The following PRELID2 variants were observed in gnomAD, a reference collection of about 807,000 sequenced individuals.
PRELID2 encodes PRELI domain-containing protein 2.
A neutral mutation model predicts 28.4 loss-of-function variants in PRELID2; 25 were observed. The ratio of observed to expected loss-of-function variants is 0.88; its 90% CI spans 0.64 to 1.23. The LOEUF (loss-of-function observed/expected upper bound fraction) is 1.23, where lower values mean the gene tolerates loss of function less well. PRELID2 is among the 50% of genes most tolerant of loss of function. The pLI is 0.00. For synonymous variants in PRELID2, 76 were observed against 71.6 expected (o/e 1.06, Z -0.31); for missense variants, 201 against 214.4 (o/e 0.94, Z 0.39).
intron 1 of PRELID2, among the ~76,000 whole-genome samples, chr5:145,483,871 G>A (rs114011807): frequency 0.013 from 1,916 of 152,272 alleles, 36 homozygotes; most frequent in African/African-American, 0.044. Flanking sequence ...ATAATACAGG[G>A]CAAGTGAGTG....
At chr5:145,332,223 T>A in the PRELID2 span, among the ~76,000 whole-genome samples, 5 of 152,176 alleles carry the variant, frequency 3.3e-5, no homozygotes, top group African/African-American at 1.2e-4. Flanking sequence ...TCAACCTTGG[T>A]GAATCTGAGG....
intron 1 of PRELID2, chr5:145,703,788 C>T (rs1021780918): frequency 1.3e-5 from 2 of 152,150 alleles, no homozygotes; most frequent in African/African-American, 2.4e-5. Context: ...TTCCCCTGCA[C>T]CTGTCCTCCA....
At chr5:145,504,429 C>T (rs998167388) in intron 1 of PRELID2, among the ~76,000 whole-genome samples, 2 of 152,132 alleles carry the variant, frequency 1.3e-5, no homozygotes, top group African/African-American at 4.8e-5. Flanking sequence ...TTGATCTTCG[C>T]CAAAAGGCTG....
the PRELID2 span, among the ~76,000 whole-genome samples, chr5:145,342,793 T>C: frequency 6.7e-6 from 1 of 150,286 alleles, no homozygotes. Flanking sequence ...AAGATACATA[T>C]AGACTGAAAG....
intron 1 of PRELID2, among the ~76,000 whole-genome samples, chr5:145,830,228 G>A (rs2149889586): frequency 6.6e-6 from 1 of 152,238 alleles, no homozygotes; most frequent in Non-Finnish European, 1.5e-5. Context: ...CACCTATGAA[G>A]GTGATATTCT....
the PRELID2 span, among the ~76,000 whole-genome samples, chr5:145,297,018 C>A: frequency 1.3e-5 from 2 of 152,122 alleles, no homozygotes; most frequent in African/African-American, 4.8e-5. Context: ...TCATGTCCTT[C>A]GCCCACTTTT....
At position 145,490,252 on chromosome 5, in the gene PRELID2, C is replaced by T. The variant is rs143092135; in HGVS notation, n.71-16937G>A. On this transcript the variant is annotated intron_variant and non_coding_transcript_variant, in intron 1 of 2. Coordinates refer to the PRELID2 transcript ENST00000510259. The stretch of plus-strand genomic sequence containing the variant: ...ACTTTTTAAAATTTCCTTTTTTGTA[C>T]TCTTGCATTTTAAGTCCCAGAAGCT... Among the ~76,000 whole-genome samples the T allele has an allele frequency of 2.3e-3, 356 of 152,150 alleles. 1 individual carries two copies. The highest frequency in any genetic ancestry group is 8.0e-3 in the African/African-American group (334 of 41,536).
chr5:145,484,670 T>C (rs1025642331), intron 1 of PRELID2, among the ~76,000 whole-genome samples: 1 of 152,154 alleles, frequency 6.6e-6, no homozygotes, highest in African/African-American at 2.4e-5. Context: ...TGTCACATAA[T>C]GGTACTCAAC....
chr5:145,436,745 A>G, the PRELID2 span, among the ~76,000 whole-genome samples: 1 of 152,160 alleles, frequency 6.6e-6, no homozygotes, highest in Non-Finnish European at 1.5e-5. Flanking sequence ...TGTAAGGCAT[A>G]GAGGCTGGCT....
At chr5:145,488,673 T>C (rs1752243549) in intron 1 of PRELID2, among the ~76,000 whole-genome samples, 1 of 152,214 alleles carries the variant, frequency 6.6e-6, no homozygotes, top group African/African-American at 2.4e-5. Flanking sequence ...TTTATGCACA[T>C]TGTGTAATCT....
the PRELID2 span, among the ~76,000 whole-genome samples, chr5:145,376,668 T>C: frequency 6.6e-6 from 1 of 152,174 alleles, no homozygotes; most frequent in Non-Finnish European, 1.5e-5. Context: ...AGAGTTTTTA[T>C]TTTATGTGCA....
intron 1 of PRELID2, among the ~76,000 whole-genome samples, chr5:145,622,159 G>C (rs775954377): frequency 2.0e-4 from 31 of 152,222 alleles, no homozygotes; most frequent in Admixed American, 3.9e-4. Context: ...CCATTGTCTA[G>C]GGCTGGGAGT....
At chr5:145,367,091 A>G in the PRELID2 span, among the ~76,000 whole-genome samples, 1 of 151,778 alleles carries the variant, frequency 6.6e-6, no homozygotes, top group Admixed American at 6.6e-5. Context: ...TTTCCTCTAG[A>G]TGTTTCCTCT....
chr5:145,427,835 G>A, the PRELID2 span, among the ~76,000 whole-genome samples: 16 of 152,166 alleles, frequency 1.1e-4, no homozygotes, highest in Admixed American at 1.0e-3. Context: ...TATTAATTAT[G>A]AGAAGAGGGA....
chr5:145,744,291 A>G (rs994371066), intron 1 of PRELID2, among the ~76,000 whole-genome samples: 3 of 152,208 alleles, frequency 2.0e-5, no homozygotes, highest in African/African-American at 7.2e-5. Flanking sequence ...GTTCTGAGGA[A>G]TCTGGGCAGA....
chr5:145,464,024 T>C, the PRELID2 span, among the ~76,000 whole-genome samples: 2 of 152,306 alleles, frequency 1.3e-5, no homozygotes, highest in East Asian at 3.9e-4. Flanking sequence ...CTTTAGGCTC[T>C]GTGGTCCAAA....
the PRELID2 span, among the ~76,000 whole-genome samples, chr5:145,299,829 A>G: frequency 1.3e-5 from 2 of 152,024 alleles, no homozygotes; most frequent in South Asian, 4.1e-4. Flanking sequence ...AACTAACTGG[A>G]ATCCTTCTAT....
At chr5:145,437,461 C>A in the PRELID2 span, among the ~76,000 whole-genome samples, 1 of 152,112 alleles carries the variant, frequency 6.6e-6, no homozygotes, top group African/African-American at 2.4e-5. Context: ...TCAAAGTCAG[C>A]CAGAAAGCAA....
the PRELID2 span, among the ~76,000 whole-genome samples, chr5:145,382,684 G>A: frequency 6.6e-5 from 10 of 151,884 alleles, no homozygotes; most frequent in Admixed American, 1.3e-4. Context: ...CTAATTACCA[G>A]CAGACCCATA....
Sources: allele counts gnomAD v4.1 joint callset (sites outside exome capture counted in the v4.1 genomes callset), GRCh38; gene constraint gnomAD v4.1.1; transcripts MANE v1.5; gene names NCBI Gene and HGNC (gene_info 2026-07-23, HGNC 2026-07-21).